The following GEMIN5 variants were observed in gnomAD, a reference collection of about 807,000 sequenced individuals.
GEMIN5 encodes gem-associated protein 5.
A neutral mutation model predicts 176.9 loss-of-function variants in GEMIN5; 124 were observed. The ratio of observed to expected loss-of-function variants is 0.70; its 90% confidence interval spans 0.61 to 0.81. GEMIN5 has a LOEUF of 0.81. GEMIN5 is among the 40% of genes least tolerant of loss of function. The pLI is 0.00. For missense variants in GEMIN5, 1,843 were observed against 1,814.6 expected, an observed-to-expected ratio of 1.02 and a Z score of -0.28; for synonymous variants, 673 against 665.2, an observed-to-expected ratio of 1.01 and a Z score of -0.18.
Position 154,926,126 on chromosome 5 carries a change from G to GA in GEMIN5, c.1081-53dup, listed in dbSNP as rs371116122. 2,562 of 1,177,736 alleles carry GA rather than the reference G, an allele frequency of 2.2e-3. 47 individuals carry two copies. The African/African-American group carries it at 0.035, about 16-fold the overall frequency. 73.0% of individuals were successfully genotyped at this position (1,177,736 alleles called of 1,614,324 possible). A position where few individuals can be genotyped will look rare whatever the true frequency, so the allele number is the denominator to read the frequency against. On this transcript the variant is annotated intron_variant, in intron 7 of 27. Coordinates refer to ENST00000285873, the MANE Select transcript of GEMIN5 (RefSeq NM_015465.5). ...AACATAAAAAAGAACAGAGAAATAG[G>GA]AAAAAAAACCTGATATGTCAAATGG...
chr5:154,933,898 C>A (rs1195347058), intron 3 of GEMIN5, among the ~76,000 whole-genome samples: 2 of 152,182 alleles, frequency 1.3e-5, no homozygotes, highest in African/African-American at 4.8e-5. Context: ...TACAACACTG[C>A]TCCCACTTCA....
At chr5:154,931,669 A>C (rs545895544) in intron 4 of GEMIN5, 92 bp from the exon 5 acceptor site, 29 of 1,033,664 alleles carry the variant, frequency 2.8e-5, no homozygotes, top group Non-Finnish European at 3.4e-5. Flanking sequence ...AAACTTAGCT[A>C]TCTCTTTCAT....
rs1763551690 is a variant in GEMIN5, at chr5:154,905,550, T to C, written c.2396-74A>G. On this transcript the variant is annotated intron_variant, in intron 16 of 27. Coordinates refer to ENST00000285873, the MANE Select transcript of GEMIN5 (RefSeq NM_015465.5). ...ACAGAATTTCAGTTCTTTGTAAAAA[T>C]TAAGAGCCATTCCAAGCTTAGCAAT... is the stretch of plus-strand genomic sequence containing the variant. 5 of 687,196 alleles carry C rather than the reference T, an allele frequency of 7.3e-6. No homozygotes were observed. In the East Asian group the frequency reaches 1.1e-4, roughly 15 times the overall value. The allele number at this position is 687,196 out of a possible 1,614,324, so 42.6% of individuals were successfully genotyped here.
chr5:154,913,023 G>A lies in GEMIN5; in HGVS notation c.1871C>T (p.Ser624Phe), dbSNP rs1456209195. The A allele has an allele frequency of 1.2e-6, 2 of 1,612,658 alleles. No homozygotes were observed. Among genetic ancestry groups the A allele is most frequent in the Non-Finnish European group, 8.5e-7 (1 of 1,179,308 alleles). Reference sequence around the variant, plus strand: ...GTAGGGCTCTGTAATGGTCACTGGAGACTCAGGGCTGCTCTCTAAAAGGCA... The same window carrying A: ...GTAGGGCTCTGTAATGGTCACTGGAAACTCAGGGCTGCTCTCTAAAAGGCA... ...LKTVIESSPESPVTITEPYRT... is the reference protein window; with the variant it reads ...LKTVIESSPEFPVTITEPYRT... Residue 624 changes from serine to phenylalanine, a missense_variant, in exon 14 of 28, where the codon TCT (serine) becomes TTT (phenylalanine). Coordinates refer to ENST00000285873, the MANE Select transcript of GEMIN5 (RefSeq NM_015465.5).
Position 154,938,029 on chromosome 5 carries a change from G to A in GEMIN5, c.105C>T (p.Ser35=), listed in dbSNP as rs984163139. ...GGLFGFAART[S]VFLVRVGPGA... The stretch of plus-strand genomic sequence containing the variant: ...CCGGGCCCACGCGGACAAGGAAGAC[G>A]GAGGTCCGCGCGGCGAAGCCAAAGA... Residue 35 remains serine, a synonymous_variant, in exon 1 of 28, where the codon TCC becomes TCT. Transcript: ENST00000285873. The A allele has an allele frequency of 6.4e-7, 1 of 1,557,732 alleles. No individual in the cohort carries two copies. The highest frequency in any genetic ancestry group is 1.9e-5 in the Admixed American group (1 of 51,450).
intron 26 of GEMIN5, among the ~76,000 whole-genome samples, chr5:154,890,168 G>A (rs911742149): frequency 2.0e-5 from 3 of 152,194 alleles, no homozygotes; most frequent in African/African-American, 7.2e-5. Flanking sequence ...GCTATGAAGT[G>A]CTGCTTCACT....
intron 23 of GEMIN5, among the ~76,000 whole-genome samples, chr5:154,898,183 G>A (rs779431041): frequency 4.6e-5 from 7 of 152,210 alleles, no homozygotes; most frequent in Non-Finnish European, 8.8e-5. Context: ...TTACAGGCAT[G>A]AGCCACTGTG....
chr5:154,894,598 C>T (rs1466079251), intron 24 of GEMIN5, among the ~76,000 whole-genome samples: 1 of 152,062 alleles, frequency 6.6e-6, no homozygotes, highest in Non-Finnish European at 1.5e-5. Flanking sequence ...TGGTGAAACC[C>T]TGTCTCTACT....
At position 154,925,946 on chromosome 5, in the gene GEMIN5, C is replaced by A. The variant is rs1462808467; in HGVS notation, c.1209G>T (p.Met403Ile). ...TGGAGAGTGTATTCCATACACGGAT[C>A]ATGCCATCCCCAACACCTATGGCCA... ...GSLAIGVGDG[M>I]IRVWNTLSIK... Residue 403 changes from methionine (M) to isoleucine (I), a missense_variant, in exon 8 of 28, where the codon ATG becomes ATT. Transcript: ENST00000285873. 1.2e-6 allele frequency: 2 copies of A among 1,613,426 alleles called. No individual in the cohort carries two copies. The highest frequency in any genetic ancestry group is 1.3e-5 in the African/African-American group (1 of 74,892).
At chr5:154,917,714 T>C (rs1487770073) in intron 12 of GEMIN5, among the ~76,000 whole-genome samples, 2 of 152,166 alleles carry the variant, frequency 1.3e-5, no homozygotes, top group Non-Finnish European at 2.9e-5. Context: ...CAAAATACAG[T>C]GTAGCCAAAT....
In GEMIN5 at chr5:154,913,058, C is replaced by T; in HGVS notation, c.1856-20G>A. 2 of 1,590,410 alleles carry T rather than the reference C, an allele frequency of 1.3e-6. No individual in the cohort carries two copies. Among genetic ancestry groups the T allele is most frequent in the South Asian group, 2.3e-5 (2 of 87,398 alleles). On this transcript the variant is annotated intron_variant, in intron 13 of 27. Transcript: ENST00000285873. The stretch of plus-strand genomic sequence containing the variant: ...TGCTCTCTAAAAGGCAAAGGAAAGA[C>T]ATCACTGCTGCTACTACTAATAACA...
chr5:154,919,896 T>C, intron 11 of GEMIN5, 71 bp downstream of exon 11: 1 of 1,362,738 alleles, frequency 7.3e-7, no homozygotes, highest in Admixed American at 2.0e-5. Flanking sequence ...ACAGCATTTA[T>C]TTTGCAAGAT....
At chr5:154,903,250 AAT>A (rs1358046070) in intron 18 of GEMIN5, 75 bp from the exon 19 acceptor site, 1 of 980,608 alleles carries the variant, frequency 1.0e-6, no homozygotes, top group Non-Finnish European at 1.6e-6. Flanking sequence ...ATAACTTCCG[AAT>A]ATATGTTTGG....
chr5:154,888,481 T>A (rs925441650), intron 27 of GEMIN5, 104 bp from the exon 28 acceptor site: 174 of 903,576 alleles, frequency 1.9e-4, no homozygotes, highest in Non-Finnish European at 2.8e-4. Context: ...TAGACACTTC[T>A]TGGACACAGC....
intron 24 of GEMIN5, among the ~76,000 whole-genome samples, chr5:154,894,180 A>G (rs1468313190): frequency 6.6e-6 from 1 of 152,024 alleles, no homozygotes; most frequent in Non-Finnish European, 1.5e-5. Context: ...CCTGAGCTCA[A>G]GCGATCCACC....
At chr5:154,902,712 C>T (rs766392819) in intron 19 of GEMIN5, 36 bp from the exon 20 acceptor site, 5 of 1,605,838 alleles carry the variant, frequency 3.1e-6, no homozygotes, top group Non-Finnish European at 4.3e-6. Context: ...GAAGGTGTTT[C>T]AGAAACATCT....
intron 27 of GEMIN5, among the ~76,000 whole-genome samples, chr5:154,888,673 C>T (rs1212349688): frequency 6.6e-6 from 1 of 152,070 alleles, no homozygotes; most frequent in African/African-American, 2.4e-5. Flanking sequence ...GGGCCCACAG[C>T]CAAAAAGACC....
chr5:154,919,483 T>C (rs1262168459), intron 11 of GEMIN5, among the ~76,000 whole-genome samples: 3 of 152,232 alleles, frequency 2.0e-5, no homozygotes, highest in Admixed American at 6.5e-5. Flanking sequence ...ATGTGTATTA[T>C]TTTTGTAGCT....
intron 3 of GEMIN5, among the ~76,000 whole-genome samples, chr5:154,935,345 A>G (rs1213045285): frequency 6.6e-6 from 1 of 152,262 alleles, no homozygotes; most frequent in Non-Finnish European, 1.5e-5. Context: ...TAGAGAAAAT[A>G]GACATCTTTC....
Sources: gnomAD v4.1 joint callset for allele counts (sites outside exome capture counted in the v4.1 genomes callset) on GRCh38, gnomAD v4.1.1 for gene constraint, MANE v1.5 for transcripts, NCBI Gene and HGNC (gene_info 2026-07-23, HGNC 2026-07-21) for gene names.